The following BCL2 variants were observed in gnomAD, a reference collection of about 807,000 sequenced individuals.
BCL2 encodes the protein apoptosis regulator Bcl-2.
A neutral mutation model predicts 14.2 loss-of-function variants in BCL2; 1 was observed. The ratio of observed to expected loss-of-function variants is 0.07; its 90% CI spans 0.02 to 0.33. BCL2 has a LOEUF of 0.33. BCL2 is among the 10% of genes least tolerant of loss of function. The probability of loss-of-function intolerance (pLI) is 0.99; values close to 1 mark genes in which losing one functional copy is unlikely to be tolerated. For synonymous variants in BCL2, 151 were observed against 137.2 expected, an observed-to-expected ratio of 1.10 and a Z score of -0.70; for missense variants, 247 against 305.9, an observed-to-expected ratio of 0.81 and a Z score of 1.44.
At chr18:63,282,389 T>C (rs530705102) in intron 2 of BCL2, among the ~76,000 whole-genome samples, 1 of 152,372 alleles carries the variant, frequency 6.6e-6, no homozygotes, top group South Asian at 2.1e-4. Flanking sequence ...TCAGAAATGC[T>C]TTCAAGTTTC....
intron 2 of BCL2, among the ~76,000 whole-genome samples, chr18:63,189,215 A>C (rs1049556452): frequency 5.3e-5 from 8 of 151,892 alleles, no homozygotes; most frequent in Admixed American, 2.0e-4. Context: ...AGAAAAAGAA[A>C]AACAACCTAG....
chr18:63,169,285 TTTCTTTC>T (rs1568222343), intron 2 of BCL2, among the ~76,000 whole-genome samples: 3 of 73,056 alleles, frequency 4.1e-5, no homozygotes. Flanking sequence ...TCTTTCTTTC[TTTCTTTC>T]TTTCTTTCTT....
intron 2 of BCL2, among the ~76,000 whole-genome samples, chr18:63,193,304 T>C (rs1226426010): frequency 6.6e-6 from 1 of 152,166 alleles, no homozygotes; most frequent in Non-Finnish European, 1.5e-5. Context: ...CATTTGTGTG[T>C]GTCTGTGTGT....
chr18:63,269,043 G>A (rs1911924274), intron 2 of BCL2, among the ~76,000 whole-genome samples: 1 of 151,430 alleles, frequency 6.6e-6, no homozygotes, highest in Middle Eastern at 3.4e-3. Flanking sequence ...CAAATTCCTG[G>A]GCTCAAATGG....
rs567485483 is a variant in BCL2, at chr18:63,294,912, G to A, written c.585+23170C>T. 2.3e-3 allele frequency among the ~76,000 whole-genome samples: 355 copies of A among 151,280 alleles called. 1 individual carries two copies. Among genetic ancestry groups the A allele is most frequent in the Admixed American group, 5.1e-3 (77 of 15,140 alleles). On this transcript the variant is annotated intron_variant, in intron 2 of 2. Coordinates refer to ENST00000333681, the MANE Select transcript of BCL2 (RefSeq NM_000633.3). The stretch of plus-strand genomic sequence containing the variant: ...TCGGTGGCTTACACCTGTAATCCCA[G>A]AACTTTGGGAGGCCAAGGTGGGTGG...
chr18:63,211,873 G>C (rs933400743), intron 2 of BCL2, among the ~76,000 whole-genome samples: 2 of 152,236 alleles, frequency 1.3e-5, no homozygotes, highest in Non-Finnish European at 2.9e-5. Context: ...ACACGTCATT[G>C]ATGACTGTCC....
At chr18:63,255,364 G>T (rs1052083733) in intron 2 of BCL2, among the ~76,000 whole-genome samples, 5 of 152,114 alleles carry the variant, frequency 3.3e-5, no homozygotes, top group African/African-American at 1.2e-4. Flanking sequence ...CCTCTCTGGG[G>T]ACTGGCCTAT....
chr18:63,318,698 G>A lies in BCL2; in HGVS notation c.-32C>T, dbSNP rs2144326683. 6.2e-7 allele frequency: 1 copy of A among 1,611,744 alleles called. No individual in the cohort carries two copies. The highest frequency in any genetic ancestry group is 1.1e-5 in the South Asian group (1 of 91,020). On this transcript the variant is annotated 5_prime_UTR_variant, in exon 2 of 3. Coordinates refer to ENST00000333681, the MANE Select transcript of BCL2 (RefSeq NM_000633.3). The surrounding 1 kb of genome is among the most constrained non-coding windows in gnomAD (Gnocchi z 7.4). The stretch of plus-strand genomic sequence containing the variant: ...CAGAGGAAAAGCAACGGGGGCCAAC[G>A]GCACCTCTCGCCCCAGCTCCCACCC...
chr18:63,241,207 C>T (rs979682966), intron 2 of BCL2, among the ~76,000 whole-genome samples: 14 of 152,318 alleles, frequency 9.2e-5, no homozygotes, highest in African/African-American at 3.1e-4. Flanking sequence ...TTGCTGTAAA[C>T]CTCAGTATAT....
intron 2 of BCL2, among the ~76,000 whole-genome samples, chr18:63,237,489 C>T (rs993278307): frequency 2.0e-5 from 3 of 152,162 alleles, no homozygotes; most frequent in East Asian, 1.9e-4. Flanking sequence ...GGTGCCTTAA[C>T]GGGCCTGACC....
intron 2 of BCL2, among the ~76,000 whole-genome samples, chr18:63,150,542 GGC>G (rs1446826111): frequency 6.6e-6 from 1 of 151,774 alleles, no homozygotes; most frequent in African/African-American, 2.4e-5. Flanking sequence ...GCATTTTCTT[GGC>G]TCCCTCCAGT....
At chr18:63,258,402 A>G (rs1351172121) in intron 2 of BCL2, among the ~76,000 whole-genome samples, 1 of 152,198 alleles carries the variant, frequency 6.6e-6, no homozygotes, top group Non-Finnish European at 1.5e-5. Context: ...GGAGGGTTCA[A>G]AGGTGTTTCC....
intron 2 of BCL2, among the ~76,000 whole-genome samples, chr18:63,181,623 T>C (rs1350071499): frequency 6.6e-6 from 1 of 152,060 alleles, no homozygotes; most frequent in Admixed American, 6.5e-5. Flanking sequence ...TGAAATAGAG[T>C]TGTGGACTTC....
At chr18:63,304,350 T>A (rs1280227723) in intron 2 of BCL2, among the ~76,000 whole-genome samples, 1 of 152,186 alleles carries the variant, frequency 6.6e-6, no homozygotes, top group Non-Finnish European at 1.5e-5. Flanking sequence ...TGCAGTAACA[T>A]GCCCTTTACT....
intron 2 of BCL2, among the ~76,000 whole-genome samples, chr18:63,141,653 T>C (rs955548587): frequency 1.3e-5 from 2 of 152,200 alleles, no homozygotes; most frequent in Non-Finnish European, 2.9e-5. Flanking sequence ...TGACAGGGGC[T>C]GGGGATTCCA....
Position 63,291,507 on chromosome 18 carries a change from C to G in BCL2, c.585+26575G>C, listed in dbSNP as rs1912644805. Reference sequence around the variant, plus strand: ...ATTTGCACTAGAAACCAATACTCATCAAGTGTCAACAGGTCCACAGCCCCG... The same window carrying G: ...ATTTGCACTAGAAACCAATACTCATGAAGTGTCAACAGGTCCACAGCCCCG... On this transcript the variant is annotated intron_variant, in intron 2 of 2. Transcript: ENST00000333681. Among the ~76,000 whole-genome samples the G allele has an allele frequency of 2.0e-5, 3 of 152,198 alleles. No homozygotes were observed. The South Asian group carries it at 6.2e-4, about 32-fold the overall frequency.
chr18:63,249,034 C>T (rs904818820), intron 2 of BCL2, among the ~76,000 whole-genome samples: 2 of 152,118 alleles, frequency 1.3e-5, no homozygotes, highest in Admixed American at 6.5e-5. Context: ...GACTACATTC[C>T]CCAATTTCAG....
At chr18:63,208,362 C>A (rs577390350) in intron 2 of BCL2, among the ~76,000 whole-genome samples, 2 of 152,090 alleles carry the variant, frequency 1.3e-5, no homozygotes, top group African/African-American at 4.8e-5. Context: ...CCCGGCTCCC[C>A]GATGCTGGTG....
intron 2 of BCL2, among the ~76,000 whole-genome samples, chr18:63,305,725 C>T (rs1913107728): frequency 6.6e-6 from 1 of 151,956 alleles, no homozygotes; most frequent in South Asian, 2.1e-4. Context: ...TGAATTCTAA[C>T]AAAAATAGTT....
Sources: allele counts gnomAD v4.1 joint callset (sites outside exome capture counted in the v4.1 genomes callset), GRCh38; gene constraint gnomAD v4.1.1; non-coding constraint Gnocchi (gnomAD v3.1); transcripts MANE v1.5; gene names NCBI Gene and HGNC (gene_info 2026-07-23, HGNC 2026-07-21).